The following RBFOX1 variants were observed in gnomAD, a reference collection of about 807,000 sequenced individuals.
RBFOX1 encodes the protein RNA binding protein fox-1 homolog 1.
A neutral mutation model predicts 57.7 loss-of-function variants in RBFOX1; 8 were observed. The ratio of observed to expected loss-of-function variants is 0.14; its 90% CI spans 0.08 to 0.25. The LOEUF is 0.25. Among genes scored for constraint, RBFOX1 ranks in the 10% least tolerant of loss-of-function variants. The pLI, the probability that RBFOX1 is intolerant of heterozygous loss-of-function variation, is 1.00. For missense variants in RBFOX1, 611 were observed against 548.5 expected, an observed-to-expected ratio of 1.11 and a Z score of -1.14; for synonymous variants, 326 against 222.4, an observed-to-expected ratio of 1.47 and a Z score of -4.15.
At chr16:6,755,325 T>G (rs2075614311) in intron 3 of RBFOX1, among the ~76,000 whole-genome samples, 1 of 152,164 alleles carries the variant, frequency 6.6e-6, no homozygotes, top group Non-Finnish European at 1.5e-5. Flanking sequence ...ACCAACAGTG[T>G]AAAAGTGTTC....
chr16:7,261,964 G>A (rs1207063676), intron 4 of RBFOX1, among the ~76,000 whole-genome samples: 2 of 152,180 alleles, frequency 1.3e-5, no homozygotes, highest in Admixed American at 1.3e-4. Context: ...TAGGGTGGCT[G>A]TTGTTAAATC....
intron 4 of RBFOX1, among the ~76,000 whole-genome samples, chr16:7,477,613 A>C (rs2151111663): frequency 6.6e-6 from 1 of 152,068 alleles, no homozygotes; most frequent in African/African-American, 2.4e-5. Flanking sequence ...TGTTCCTGGG[A>C]CCCCCAAGCT....
At chr16:7,524,851 A>T (rs2078320462) in intron 5 of RBFOX1, among the ~76,000 whole-genome samples, 1 of 152,222 alleles carries the variant, frequency 6.6e-6, no homozygotes. Context: ...TTTGAAGCTG[A>T]TGGAATCACT....
exon 3 of RBFOX1, chr16:5,599,132 A>G: frequency 1.6e-6 from 1 of 633,120 alleles, no homozygotes; most frequent in Non-Finnish European, 2.7e-6. Flanking sequence ...CACTTGCACA[A>G]TTTCTATCAC....
chr16:7,176,463 A>G (rs2081665438), intron 4 of RBFOX1, among the ~76,000 whole-genome samples: 1 of 152,098 alleles, frequency 6.6e-6, no homozygotes, highest in Non-Finnish European at 1.5e-5. Context: ...TGTACGAGGT[A>G]TCTATTATGT....
intron 4 of RBFOX1, among the ~76,000 whole-genome samples, chr16:7,057,673 C>G (rs1008166657): frequency 6.6e-6 from 1 of 152,126 alleles, no homozygotes; most frequent in African/African-American, 2.4e-5. Context: ...TGAGGGAAGA[C>G]TTCATTACTG....
intron 14 of RBFOX1, among the ~76,000 whole-genome samples, chr16:7,706,489 T>TACGCTTTTATTAAATACATTC (rs1286729914): frequency 6.6e-6 from 1 of 152,222 alleles, no homozygotes; most frequent in Non-Finnish European, 1.5e-5. Flanking sequence ...AGGTGGGAGC[T>TACGCTTTTATTAAATACATTC]ACGCTTTTAT....
At chr16:6,046,058 C>G (rs1303595551) in intron 1 of RBFOX1, among the ~76,000 whole-genome samples, 2 of 152,116 alleles carry the variant, frequency 1.3e-5, no homozygotes, top group African/African-American at 4.8e-5. Flanking sequence ...TTCTAAGCAC[C>G]ATAGGAAGGC....
Position 5,722,269 on chromosome 16 carries a change from C to G in RBFOX1, c.318+123308C>G, listed in dbSNP as rs147066746. Among the ~76,000 whole-genome samples the G allele has an allele frequency of 4.6e-5, 7 of 152,308 alleles. No individual in the cohort carries two copies. In the South Asian group the frequency reaches 1.5e-3, roughly 32 times the overall value. On this transcript the variant is annotated intron_variant, in intron 3 of 19. Transcript: ENST00000641259. ...GGTGAGTTATTGTAACATAATTAGG[C>G]TACAGTGTATCTAATCTCTTACAAA...
chr16:6,436,377 C>A (rs1438593549), intron 2 of RBFOX1, among the ~76,000 whole-genome samples: 2 of 152,152 alleles, frequency 1.3e-5, no homozygotes, highest in African/African-American at 4.8e-5. Flanking sequence ...CTGGAAGATT[C>A]AGTCCTGTCC....
At chr16:7,277,579 C>T (rs538548630) in intron 4 of RBFOX1, among the ~76,000 whole-genome samples, 340 of 152,116 alleles carry the variant, frequency 2.2e-3, no homozygotes, top group Non-Finnish European at 3.5e-3. Flanking sequence ...TAATCTAGAT[C>T]TTCATAAAAT....
chr16:6,875,263 C>T (rs576559355), intron 3 of RBFOX1, among the ~76,000 whole-genome samples: 1 of 152,282 alleles, frequency 6.6e-6, no homozygotes, highest in Non-Finnish European at 1.5e-5. Flanking sequence ...TCTCTGAAGA[C>T]TCTTCGGTTG....
intron 4 of RBFOX1, among the ~76,000 whole-genome samples, chr16:5,911,923 T>G (rs1338246747): frequency 6.6e-6 from 1 of 152,094 alleles, no homozygotes; most frequent in African/African-American, 2.4e-5. Context: ...CGGATTTCAG[T>G]ATATGAATTT....
chr16:6,239,201 C>G (rs1347220120), intron 1 of RBFOX1, among the ~76,000 whole-genome samples: 1 of 152,034 alleles, frequency 6.6e-6, no homozygotes, highest in Non-Finnish European at 1.5e-5. Flanking sequence ...ATGAATAGCC[C>G]TCTAGGTCAC....
intron 3 of RBFOX1, among the ~76,000 whole-genome samples, chr16:5,775,616 C>G (rs770228236): frequency 2.0e-5 from 3 of 152,198 alleles, no homozygotes; most frequent in African/African-American, 4.8e-5. Context: ...ACCTCTTTCC[C>G]TTGTCTCTGT....
chr16:7,592,978 G>A (rs576043904), intron 7 of RBFOX1, among the ~76,000 whole-genome samples: 2 of 134,926 alleles, frequency 1.5e-5, no homozygotes, highest in South Asian at 4.6e-4. Context: ...GTCACACCTG[G>A]CTTTTTTTTT....
chr16:7,012,383 A>G (rs548601020), intron 3 of RBFOX1, among the ~76,000 whole-genome samples: 4 of 152,288 alleles, frequency 2.6e-5, no homozygotes, highest in South Asian at 4.1e-4. Context: ...TTTGTCTATG[A>G]AAGTACTCAT....
At chr16:5,389,354 GC>G (rs1567434179) in intron 1 of RBFOX1, among the ~76,000 whole-genome samples, 2 of 152,072 alleles carry the variant, frequency 1.3e-5, no homozygotes, top group African/African-American at 4.8e-5. Context: ...GACGTTTGGG[GC>G]TGGATCATTC....
chr16:6,056,842 C>CTTTTTTTTTTTTTTT (rs61605263), intron 1 of RBFOX1: 1 of 148,630 alleles, frequency 6.7e-6, no homozygotes, highest in Admixed American at 6.7e-5. Context: ...AGACTTAAGA[C>CTTTTTTTTTTTTTTT]TTTTTTTTTT....
Sources: gnomAD v4.1 joint callset for allele counts (sites outside exome capture counted in the v4.1 genomes callset) on GRCh38, gnomAD v4.1.1 for gene constraint, MANE v1.5 for transcripts, NCBI Gene and HGNC (gene_info 2026-07-23, HGNC 2026-07-21) for gene names.